Variants in ERG observed in about 807,000 individuals in gnomAD.
ERG encodes the protein transcriptional regulator ERG.
ERG carries 9 observed loss-of-function variants against 55.3 expected under a neutral mutation model. The ratio of observed to expected loss-of-function variants is 0.16; its 90% CI spans 0.10 to 0.28. The LOEUF (loss-of-function observed/expected upper bound fraction) is 0.28. ERG is among the 10% of genes least tolerant of loss of function. The probability of loss-of-function intolerance (pLI) is 1.00; values close to 1 mark genes in which losing one functional copy is unlikely to be tolerated. For synonymous variants in ERG, 223 were observed against 237.3 expected, an observed-to-expected ratio of 0.94 and a Z score of 0.55; for missense variants, 434 against 631.6, an observed-to-expected ratio of 0.69 and a Z score of 3.35.
chr21:38,501,055 G>A (rs1022644210), upstream of ERG, among the ~76,000 whole-genome samples: 3 of 148,420 alleles, frequency 2.0e-5, no homozygotes, highest in African/African-American at 5.0e-5. Context: ...ATAGGACAAG[G>A]CACATCTTTT....
chr21:38,625,282 T>C (rs918872082), intron 1 of ERG, among the ~76,000 whole-genome samples: 8 of 152,224 alleles, frequency 5.3e-5, no homozygotes, highest in African/African-American at 1.9e-4. Flanking sequence ...TTTAAAAATA[T>C]ATAAATTCAC....
At chr21:38,595,459 G>A (rs1310832801) in intron 1 of ERG, among the ~76,000 whole-genome samples, 2 of 152,140 alleles carry the variant, frequency 1.3e-5, no homozygotes, top group African/African-American at 2.4e-5. Flanking sequence ...CAGTGAAGAT[G>A]GGGAGTTCTG....
chr21:38,497,350 T>C (rs2059388029), intron 1 of ERG, among the ~76,000 whole-genome samples: 1 of 152,238 alleles, frequency 6.6e-6, no homozygotes, highest in Admixed American at 6.5e-5. Context: ...CACCAAATGC[T>C]TCTCACCTCC....
upstream of ERG, among the ~76,000 whole-genome samples, chr21:38,588,222 A>AATGTG (rs1299857759): frequency 3.9e-5 from 6 of 152,220 alleles, no homozygotes; most frequent in African/African-American, 1.4e-4. Flanking sequence ...GAACATTGGT[A>AATGTG]AGAGTGCAAA....
intron 1 of ERG, among the ~76,000 whole-genome samples, chr21:38,596,056 T>TGGG (rs34886564): frequency 1.6e-4 from 16 of 102,150 alleles, no homozygotes; most frequent in African/African-American, 6.0e-4. Flanking sequence ...GGTGTGGGAT[T>TGGG]GGGGGGGGGG....
chr21:38,371,806 T>C, the ERG span, among the ~76,000 whole-genome samples: 2 of 152,212 alleles, frequency 1.3e-5, no homozygotes, highest in East Asian at 3.9e-4. Context: ...ATAAGAATAA[T>C]TGGCCTTTTT....
chr21:38,523,908 A>G (rs561402074), intron 2 of ERG, among the ~76,000 whole-genome samples: 1 of 152,364 alleles, frequency 6.6e-6, no homozygotes, highest in East Asian at 1.9e-4. Context: ...GCTCATAAAC[A>G]GAAACAGAGA....
intron 1 of ERG, among the ~76,000 whole-genome samples, chr21:38,599,295 G>A (rs532151708): frequency 7.2e-5 from 11 of 151,726 alleles, no homozygotes; most frequent in African/African-American, 2.7e-4. Flanking sequence ...GAGGCTGGAG[G>A]TGTACCAGGG....
the ERG span, among the ~76,000 whole-genome samples, chr21:38,373,572 GC>G: frequency 6.6e-6 from 1 of 152,092 alleles, no homozygotes; most frequent in South Asian, 2.1e-4. Flanking sequence ...AATGTACCTG[GC>G]TAGCATCCAA....
intron 1 of ERG, among the ~76,000 whole-genome samples, chr21:38,598,061 T>G (rs887930134): frequency 3.3e-5 from 5 of 152,152 alleles, no homozygotes; most frequent in Non-Finnish European, 4.4e-5. Flanking sequence ...TAGATGGAGT[T>G]AAGGAAAGCC....
intron 1 of ERG, among the ~76,000 whole-genome samples, chr21:38,622,582 C>G (rs2060297970): frequency 6.7e-6 from 1 of 148,358 alleles, no homozygotes; most frequent in African/African-American, 2.5e-5. Context: ...TCATATGTAC[C>G]ACACACACCA....
intron 1 of ERG, among the ~76,000 whole-genome samples, chr21:38,473,781 C>T: frequency 7.9e-6 from 1 of 126,034 alleles, no homozygotes; most frequent in East Asian, 2.0e-4. Context: ...TCTAAACAGG[C>T]ATAAATATAT....
At chr21:38,448,224 A>T (rs1228020579) in intron 1 of ERG, among the ~76,000 whole-genome samples, 1 of 152,226 alleles carries the variant, frequency 6.6e-6, no homozygotes, top group African/African-American at 2.4e-5. Flanking sequence ...GTTAATTGAG[A>T]TCGATTTAGG....
At position 38,475,049 on chromosome 21, in the gene ERG, A is replaced by G. The variant is rs2146633561; in HGVS notation, c.18+23314T>C. ...ACTCCAAAAATTAAATAAGTTGCCT[A>G]GAGCATCTTGCCAGTTAATGCACCA... On this transcript the variant is annotated intron_variant, in intron 1 of 9. Coordinates refer to ENST00000288319, the MANE Select transcript of ERG (RefSeq NM_182918.4). Among the ~76,000 whole-genome samples, 3 of 152,300 alleles carry G rather than the reference A, an allele frequency of 2.0e-5. 1 individual carries two copies. The highest frequency in any genetic ancestry group is 3.4e-3 in the Middle Eastern group (1 of 294).
intron 2 of ERG, among the ~76,000 whole-genome samples, chr21:38,566,111 C>A (rs1185193658): frequency 6.6e-6 from 1 of 152,054 alleles, no homozygotes; most frequent in African/African-American, 2.4e-5. Context: ...TATAGATGGG[C>A]AGAATTGGGT....
chr21:38,644,905 C>T (rs1396915167), intron 1 of ERG, among the ~76,000 whole-genome samples: 5 of 152,084 alleles, frequency 3.3e-5, no homozygotes, highest in Non-Finnish European at 7.4e-5. Context: ...GCCTGTAATC[C>T]TAGCATTTTG....
At chr21:38,466,488 GT>G (rs759251467) in intron 1 of ERG, among the ~76,000 whole-genome samples, 19 of 152,094 alleles carry the variant, frequency 1.2e-4, no homozygotes, top group Admixed American at 3.9e-4. Flanking sequence ...ATTTGCAGGA[GT>G]GGTTTAATTC....
chr21:38,584,974 T>C (rs1392142711), upstream of ERG: 1 of 152,218 alleles, frequency 6.6e-6, no homozygotes, highest in African/African-American at 2.4e-5. Flanking sequence ...ATATTAAACC[T>C]TATTTTGTTT....
intron 1 of ERG, among the ~76,000 whole-genome samples, chr21:38,456,519 C>A (rs1446599478): frequency 6.6e-6 from 1 of 152,196 alleles, no homozygotes; most frequent in African/African-American, 2.4e-5. Flanking sequence ...TTCTGGCAGA[C>A]AGAGGAGCAC....
Sources: gnomAD v4.1 joint callset for allele counts (sites outside exome capture counted in the v4.1 genomes callset) on GRCh38, gnomAD v4.1.1 for gene constraint, MANE v1.5 for transcripts, NCBI Gene and HGNC (gene_info 2026-07-23, HGNC 2026-07-21) for gene names.